GLYR1: variants seen among roughly 807,000 people sequenced by gnomAD.
GLYR1 encodes the protein glyoxylate reductase 1 homolog.
Under a neutral mutation model 72.7 loss-of-function variants are expected in GLYR1, and 21 were observed. That is an observed-to-expected ratio of 0.29 (90% CI 0.20 to 0.42). The LOEUF (loss-of-function observed/expected upper bound fraction) is 0.42. GLYR1 is among the 10% of genes least tolerant of loss of function. The pLI is 1.00. For missense variants in GLYR1, 594 were observed against 712.1 expected (o/e 0.83, Z 1.89); for synonymous variants, 392 against 270.2 (o/e 1.45, Z -4.42).
chr16:4,834,424 C>T (rs112924972), intron 3 of GLYR1, among the ~76,000 whole-genome samples: 17,172 of 151,546 alleles, frequency 0.11, 1,241 homozygotes, highest in South Asian at 0.25. Context: ...CTCAGCCTCC[C>T]AAGTGCTGGG....
chr16:4,844,790 T>C (rs1039429111), intron 3 of GLYR1, among the ~76,000 whole-genome samples: 1 of 152,020 alleles, frequency 6.6e-6, no homozygotes, highest in African/African-American at 2.4e-5. Flanking sequence ...GCCTTTGGAG[T>C]TGGGTAAAGA....
chr16:4,806,538 A>ATT lies in GLYR1; in HGVS notation c.1588-1230_1588-1229dup, dbSNP rs375535581. On this transcript the variant is annotated intron_variant, in intron 15 of 15. Coordinates refer to ENST00000321919, the MANE Select transcript of GLYR1 (RefSeq NM_032569.4). ...CGCCACCACGCCCAGCTAGTTTTTT[A>ATT]TTTTTTTTTGTACAGATGGGGGTCT... is the stretch of plus-strand genomic sequence containing the variant. Among the ~76,000 whole-genome samples the ATT allele has an allele frequency of 7.9e-3, 1,152 of 145,340 alleles. 9 individuals carry two copies. The highest frequency in any genetic ancestry group is 0.028 in the African/African-American group (1,102 of 39,324).
intron 11 of GLYR1, chr16:4,814,055 CTTTT>C (rs745969193): frequency 1.6e-4 from 57 of 367,590 alleles, no homozygotes; most frequent in Admixed American, 5.2e-4. Flanking sequence ...GTGTGCATTT[CTTTT>C]TATTTAAAAA....
chr16:4,839,666 G>A (rs1212477358), intron 3 of GLYR1: 1 of 152,174 alleles, frequency 6.6e-6, no homozygotes, highest in African/African-American at 2.4e-5. Context: ...TGATTAGGAA[G>A]GTCTGGCCCT....
At chr16:4,826,905 T>C (rs1457099401) in intron 5 of GLYR1, among the ~76,000 whole-genome samples, 2 of 152,242 alleles carry the variant, frequency 1.3e-5, no homozygotes, top group East Asian at 3.8e-4. Flanking sequence ...AGGCAGCTTG[T>C]AACTCTCAGT....
rs1411367022 is a variant in GLYR1, at chr16:4,843,029, G to C, written c.155+2045C>G. Among the ~76,000 whole-genome samples, 6 of 152,102 alleles carry C rather than the reference G, an allele frequency of 3.9e-5. No homozygotes were observed. In the East Asian group the frequency reaches 1.2e-3, roughly 29 times the overall value. On this transcript the variant is annotated intron_variant, in intron 3 of 15. Transcript: ENST00000321919. ...TTGTGCACATCATCTTATCTGAAAT[G>C]TTTACAACTTGTCACTTGACTGAGC...
At chr16:4,847,097 C>T (rs1466325710) in intron 1 of GLYR1, 131 bp downstream of exon 1, 6 of 861,924 alleles carry the variant, frequency 7.0e-6, no homozygotes, top group South Asian at 1.5e-5. Flanking sequence ...TCGCAAGCGC[C>T]GGCACCTTCT....
chr16:4,828,881 A>G (rs1180327122), intron 5 of GLYR1, among the ~76,000 whole-genome samples: 2 of 152,020 alleles, frequency 1.3e-5, no homozygotes, highest in Non-Finnish European at 2.9e-5. Flanking sequence ...TTATCCAACG[A>G]GAAGGTATTT....
intron 2 of GLYR1, 135 bp downstream of exon 2, chr16:4,846,039 G>C: frequency 1.1e-6 from 1 of 889,982 alleles, no homozygotes; most frequent in Non-Finnish European, 1.9e-6. Flanking sequence ...CCGATACTAG[G>C]GGAAAAAAAA....
chr16:4,811,898 G>C, intron 13 of GLYR1, 96 bp from the exon 14 acceptor site: 2 of 1,461,432 alleles, frequency 1.4e-6, no homozygotes, highest in African/African-American at 1.4e-5. Flanking sequence ...CCTCTCTCCA[G>C]GGGAGGCCCC....
At chr16:4,824,286 A>G in intron 5 of GLYR1, among the ~76,000 whole-genome samples, 1 of 152,028 alleles carries the variant, frequency 6.6e-6, no homozygotes, top group Non-Finnish European at 1.5e-5. Context: ...AGGCCGAGGC[A>G]GGCAGATCAT....
At chr16:4,805,450 C>G in intron 15 of GLYR1, 140 bp from the exon 16 acceptor site, 1 of 712,670 alleles carries the variant, frequency 1.4e-6, no homozygotes, top group Non-Finnish European at 2.5e-6. Context: ...CTGTGTTGAC[C>G]TTGCATGAAG....
intron 6 of GLYR1, 116 bp downstream of exon 6, chr16:4,823,705 T>G: frequency 2.4e-6 from 2 of 832,314 alleles, no homozygotes; most frequent in Non-Finnish European, 2.0e-6. Flanking sequence ...TGTACTGTTT[T>G]GTAATAATAA....
chr16:4,811,393 T>C (rs1016217789), intron 14 of GLYR1, 99 bp from the exon 15 acceptor site: 2 of 1,521,084 alleles, frequency 1.3e-6, no homozygotes, highest in Admixed American at 3.6e-5. Context: ...TACTCAGGGC[T>C]CAGTTCCACA....
chr16:4,842,945 C>T (rs577697435), intron 3 of GLYR1, among the ~76,000 whole-genome samples: 2 of 152,290 alleles, frequency 1.3e-5, no homozygotes, highest in African/African-American at 4.8e-5. Flanking sequence ...AGCAATCTGC[C>T]TGCCCCGGCC....
intron 5 of GLYR1, among the ~76,000 whole-genome samples, chr16:4,825,501 T>C (rs2084322692): frequency 6.6e-6 from 1 of 152,218 alleles, no homozygotes; most frequent in African/African-American, 2.4e-5. Context: ...CCTCTTTTTA[T>C]GTTTGCCCAT....
At chr16:4,840,595 A>G (rs2085479253) in intron 3 of GLYR1, among the ~76,000 whole-genome samples, 1 of 151,996 alleles carries the variant, frequency 6.6e-6, no homozygotes, top group South Asian at 2.1e-4. Context: ...TCAGTTTTCC[A>G]TACTTAAAGG....
Position 4,832,233 on chromosome 16 carries a change from A to G in GLYR1, c.295-12T>C. On this transcript the variant is annotated splice_polypyrimidine_tract_variant and intron_variant, in intron 4 of 15. Transcript: ENST00000321919. ...TTGTGGGATGACGTCTGAAAGTTTAATAATAATAATGATAACTACCACCAC... is the reference window on the plus strand; with the variant it reads ...TTGTGGGATGACGTCTGAAAGTTTAGTAATAATAATGATAACTACCACCAC... 1 of 1,613,054 alleles carries G rather than the reference A, an allele frequency of 6.2e-7. No individual in the cohort carries two copies. The highest frequency in any genetic ancestry group is 1.1e-5 in the South Asian group (1 of 91,006).
At chr16:4,821,091 T>G in intron 9 of GLYR1, 1 of 502,548 alleles carries the variant, frequency 2.0e-6, no homozygotes, top group Non-Finnish European at 3.6e-6. Context: ...ACCTTCCAGG[T>G]GACTGTCAGG....
Sources: allele counts gnomAD v4.1 joint callset (sites outside exome capture counted in the v4.1 genomes callset), GRCh38; gene constraint gnomAD v4.1.1; transcripts MANE v1.5; gene names NCBI Gene and HGNC (gene_info 2026-07-23, HGNC 2026-07-21).